The following SLCO1B1 variants were observed in gnomAD, a reference collection of about 807,000 sequenced individuals.
SLCO1B1 encodes solute carrier organic anion transporter family member 1B1, also known as OATP-2.
Under a neutral mutation model 70.1 loss-of-function variants are expected in SLCO1B1, and 81 were observed. The observed-to-expected ratio is 1.16, with a 90% CI of 0.97 to 1.39. The LOEUF (loss-of-function observed/expected upper bound fraction) is 1.39, where lower values mean the gene tolerates loss of function less well. Among genes scored for constraint, SLCO1B1 ranks in the 40% most tolerant of loss-of-function variants. The probability of loss-of-function intolerance (pLI) is 0.00; values close to 1 mark genes in which losing one functional copy is unlikely to be tolerated. For synonymous variants in SLCO1B1, 283 were observed against 271.5 expected (o/e 1.04, Z -0.42); for missense variants, 895 against 799.6 (o/e 1.12, Z -1.44).
At chr12:21,148,745 T>G (rs1940424881) in intron 2 of SLCO1B1, among the ~76,000 whole-genome samples, 1 of 150,046 alleles carries the variant, frequency 6.7e-6, no homozygotes, top group South Asian at 2.2e-4. Flanking sequence ...AGTAGTTTTT[T>G]CCAATTCTGT....
chr12:21,216,278 G>GA (rs1486214490), intron 11 of SLCO1B1, among the ~76,000 whole-genome samples: 7 of 151,330 alleles, frequency 4.6e-5, no homozygotes, highest in East Asian at 1.9e-4. Context: ...TATTCCTAGT[G>GA]AAAAAAAATA....
rs1177085243 is a variant in SLCO1B1, at chr12:21,209,429, G to A, written c.1497+3396G>A. On this transcript the variant is annotated intron_variant, in intron 11 of 14. Coordinates refer to ENST00000256958, the MANE Select transcript of SLCO1B1 (RefSeq NM_006446.5). ...CTGCATAGTATTCCATGGTGTATAT[G>A]TGCCACATTTTCTTAATCCAGTCTA... 2.0e-5 allele frequency among the ~76,000 whole-genome samples: 3 copies of A among 152,104 alleles called. No homozygotes were observed. In the South Asian group the frequency reaches 6.2e-4, roughly 32 times the overall value.
chr12:21,180,794 G>A (rs764649692), intron 7 of SLCO1B1, among the ~76,000 whole-genome samples: 10 of 152,166 alleles, frequency 6.6e-5, no homozygotes, highest in Non-Finnish European at 1.0e-4. Flanking sequence ...GCTTTATCAC[G>A]AAGAGTACAG....
chr12:21,212,947 C>A (rs1447311213), intron 11 of SLCO1B1, among the ~76,000 whole-genome samples: 1 of 151,814 alleles, frequency 6.6e-6, no homozygotes, highest in Non-Finnish European at 1.5e-5. Flanking sequence ...TTATTTTGAG[C>A]CTATGTGTGT....
rs909027126 is a variant in SLCO1B1 at position 21,178,607 on chromosome 12, G to T, written c.513G>T (p.Trp171Cys). 1 of 1,608,056 alleles carries T rather than the reference G, an allele frequency of 6.2e-7. No individual in the cohort carries two copies. Reference protein sequence around the residue: ...GCLKESGSYMWIYVFMGNMLR... With the variant: ...GCLKESGSYMCIYVFMGNMLR... ...TAAAGGAATCTGGGTCATACATGTG[G>T]ATATATGTGTTCATGGGTAATATGC... Residue 171 changes from tryptophan to cysteine, a missense_variant, in exon 6 of 15, where the codon TGG becomes TGT. Trp to Cys is a radical substitution (Grantham distance 215). Coordinates refer to ENST00000256958, the MANE Select transcript of SLCO1B1 (RefSeq NM_006446.5).
chr12:21,202,201 G>T (rs980776489), intron 9 of SLCO1B1, among the ~76,000 whole-genome samples: 6 of 152,114 alleles, frequency 3.9e-5, no homozygotes, highest in Admixed American at 3.9e-4. Flanking sequence ...ACACACCGGG[G>T]ACTGTTGAGG....
chr12:21,170,160 G>A (rs1940740180), intron 2 of SLCO1B1, among the ~76,000 whole-genome samples: 1 of 152,086 alleles, frequency 6.6e-6, no homozygotes, highest in African/African-American at 2.4e-5. Flanking sequence ...TTGAATATAG[G>A]CAAGTCAGAA....
At chr12:21,132,778 A>G (rs993775714) in intron 1 of SLCO1B1, among the ~76,000 whole-genome samples, 2 of 152,048 alleles carry the variant, frequency 1.3e-5, no homozygotes, top group African/African-American at 4.8e-5. Flanking sequence ...CCCATTCTGT[A>G]GGTTGCCTGT....
rs147421160 is a variant in SLCO1B1, at chr12:21,178,996, G to A, written c.703G>A (p.Val235Met). The A allele has an allele frequency of 1.9e-4, 298 of 1,607,642 alleles. No homozygotes were observed. Among genetic ancestry groups the A allele is most frequent in the Middle Eastern group, 9.9e-4 (6 of 6,056 alleles). ...TLGSLFSKMY[V>M]DIGYVDLSTI... The stretch of plus-strand genomic sequence containing the variant: ...GGGATCTCTGTTTTCTAAAATGTAC[G>A]TGGATATTGGATATGTAGATCTAAG... The change falls in exon 7 of 15, where the codon GTG (valine) becomes ATG (methionine). Residue 235 changes from valine to methionine, a missense_variant. Coordinates refer to ENST00000256958, the MANE Select transcript of SLCO1B1 (RefSeq NM_006446.5).
At chr12:21,183,655 A>G (rs747677867) in intron 7 of SLCO1B1, among the ~76,000 whole-genome samples, 6 of 152,222 alleles carry the variant, frequency 3.9e-5, no homozygotes, top group Non-Finnish European at 8.8e-5. Context: ...AAGATGAAAA[A>G]GAATCAACAA....
intron 2 of SLCO1B1, among the ~76,000 whole-genome samples, chr12:21,158,334 A>G (rs1369243112): frequency 6.6e-6 from 1 of 152,244 alleles, no homozygotes; most frequent in Non-Finnish European, 1.5e-5. Context: ...AATTAATTCA[A>G]TAAATTTTTG....
At position 21,186,495 on chromosome 12, in the gene SLCO1B1, G is replaced by A. The variant is rs80198033; in HGVS notation, c.727+7475G>A. ...AATACTGTCAACTTTGAATAACACCGTTGGAGCCATATGAATTGCCACTAG... is the reference window on the plus strand; with the variant it reads ...AATACTGTCAACTTTGAATAACACCATTGGAGCCATATGAATTGCCACTAG... On this transcript the variant is annotated intron_variant, in intron 7 of 14. Coordinates refer to ENST00000256958, the MANE Select transcript of SLCO1B1 (RefSeq NM_006446.5). 2.0e-3 allele frequency among the ~76,000 whole-genome samples: 302 copies of A among 152,082 alleles called. 11 individuals are homozygous for A. The East Asian group carries it at 0.045, about 23-fold the overall frequency.
chr12:21,211,512 C>A (rs1160001221), intron 11 of SLCO1B1, among the ~76,000 whole-genome samples: 1 of 152,212 alleles, frequency 6.6e-6, no homozygotes, highest in African/African-American at 2.4e-5. Flanking sequence ...GGATATTGGT[C>A]TAAGATTCTC....
At chr12:21,224,607 C>A in intron 13 of SLCO1B1, 115 bp from the exon 14 acceptor site, 1 of 719,682 alleles carries the variant, frequency 1.4e-6, no homozygotes, top group East Asian at 2.5e-5. Context: ...AAATAATAAA[C>A]GAATCCTCCA....
intron 12 of SLCO1B1, among the ~76,000 whole-genome samples, chr12:21,221,479 C>A (rs1238057481): frequency 6.6e-6 from 1 of 151,982 alleles, no homozygotes; most frequent in Non-Finnish European, 1.5e-5. Context: ...AGTAAACAGA[C>A]AACCTACAGG....
At chr12:21,211,197 T>C (rs923553000) in intron 11 of SLCO1B1, among the ~76,000 whole-genome samples, 1 of 152,176 alleles carries the variant, frequency 6.6e-6, no homozygotes, top group Admixed American at 6.5e-5. Flanking sequence ...GGCTGTGGGT[T>C]TGTCATAGAT....
rs1483233273 is a variant in SLCO1B1 at position 21,160,913 on chromosome 12, C to G, written c.85-11737C>G. ...GGCCAACAAGCACTTGAAAAAAAGG[C>G]CAATATTACTGATCATTAGAGAAAT... On this transcript the variant is annotated intron_variant, in intron 2 of 14. Transcript: ENST00000256958. Among the ~76,000 whole-genome samples, 7 of 151,966 alleles carry G rather than the reference C, an allele frequency of 4.6e-5. No homozygotes were observed. The East Asian group carries it at 1.4e-3, about 29-fold the overall frequency.
chr12:21,227,410 C>G (rs569620640), intron 14 of SLCO1B1, among the ~76,000 whole-genome samples: 3 of 152,102 alleles, frequency 2.0e-5, no homozygotes, highest in Non-Finnish European at 2.9e-5. Context: ...GGATACATCT[C>G]TGGAGTAAAG....
At chr12:21,135,489 A>G (rs898379264) in intron 1 of SLCO1B1, among the ~76,000 whole-genome samples, 2 of 152,144 alleles carry the variant, frequency 1.3e-5, no homozygotes, top group Non-Finnish European at 2.9e-5. Context: ...GTAGGTCACT[A>G]AGGACTTGCT....
Sources: gnomAD v4.1 joint callset for allele counts (sites outside exome capture counted in the v4.1 genomes callset) on GRCh38, gnomAD v4.1.1 for gene constraint, MANE v1.5 for transcripts, NCBI Gene and HGNC (gene_info 2026-07-23, HGNC 2026-07-21) for gene names.